MAGI2: variants seen among roughly 807,000 people sequenced by gnomAD.
MAGI2 encodes the protein membrane-associated guanylate kinase, WW and PDZ domain-containing protein 2.
In MAGI2, 35 loss-of-function variants were observed where a neutral mutation model predicts 133.3. That is an observed-to-expected ratio of 0.26 (90% confidence interval 0.20 to 0.35). The LOEUF (loss-of-function observed/expected upper bound fraction) is 0.35. MAGI2 is among the 10% of genes least tolerant of loss of function. The probability of loss-of-function intolerance (pLI) is 1.00; values close to 1 mark genes in which losing one functional copy is unlikely to be tolerated. For missense variants in MAGI2, 1,636 were observed against 1,863.4 expected (o/e 0.88, Z 2.25); for synonymous variants, 729 against 710.6 (o/e 1.03, Z -0.41).
intron 11 of MAGI2, among the ~76,000 whole-genome samples, chr7:78,196,637 C>T (rs1828765014): frequency 6.6e-6 from 1 of 152,132 alleles, no homozygotes; most frequent in African/African-American, 2.4e-5. Context: ...TTAAACTGTG[C>T]ACATGTGCTG....
At chr7:78,238,041 T>A (rs924010224) in intron 10 of MAGI2, among the ~76,000 whole-genome samples, 3 of 152,176 alleles carry the variant, frequency 2.0e-5, no homozygotes, top group African/African-American at 7.2e-5. Context: ...ACACCTTCCA[T>A]CTTGAAATGC....
chr7:78,089,842 G>A lies in MAGI2; in HGVS notation c.3568-10757C>T, dbSNP rs150927164. ...GGTTGCCATAATTATATTTCAAAGA[G>A]CATCTCTGATTTTGCCTCACTCCTC... On this transcript the variant is annotated intron_variant, in intron 20 of 21. Coordinates refer to ENST00000354212, the MANE Select transcript of MAGI2 (RefSeq NM_012301.4). Among the ~76,000 whole-genome samples the A allele has an allele frequency of 3.2e-3, 492 of 152,118 alleles. 2 individuals carry two copies. Among genetic ancestry groups the A allele is most frequent in the Non-Finnish European group, 5.4e-3 (365 of 67,996 alleles).
intron 1 of MAGI2, among the ~76,000 whole-genome samples, chr7:79,032,314 T>G (rs1011699602): frequency 6.6e-6 from 1 of 152,028 alleles, no homozygotes; most frequent in African/African-American, 2.4e-5. Flanking sequence ...GTCAGGAGTT[T>G]GAGACCAGCC....
Position 79,216,030 on chromosome 7 carries a change from T to C in MAGI2, c.302-208824A>G, listed in dbSNP as rs183601354. The stretch of plus-strand genomic sequence containing the variant: ...CGCAGCGCTAAATGGGAACAGACAT[T>C]CCTGTTTTCACGCCCAAATGTTCCC... On this transcript the variant is annotated intron_variant, in intron 1 of 21. Coordinates refer to ENST00000354212, the MANE Select transcript of MAGI2 (RefSeq NM_012301.4). Among the ~76,000 whole-genome samples the C allele has an allele frequency of 1.3e-3, 205 of 151,898 alleles. 1 individual carries two copies. Among genetic ancestry groups the C allele is most frequent in the African/African-American group, 4.7e-3 (195 of 41,304 alleles).
At chr7:78,171,376 G>A (rs909228446) in intron 14 of MAGI2, among the ~76,000 whole-genome samples, 1 of 152,150 alleles carries the variant, frequency 6.6e-6, no homozygotes, top group Non-Finnish European at 1.5e-5. Context: ...TGGATGCATA[G>A]GAATCACCGG....
At chr7:78,654,048 A>G (rs1439313997) in intron 2 of MAGI2, among the ~76,000 whole-genome samples, 8 of 152,344 alleles carry the variant, frequency 5.3e-5, no homozygotes. Flanking sequence ...TTTTAGCAAC[A>G]ATGGTTAAAA....
chr7:78,487,419 G>A (rs1308018077), intron 6 of MAGI2: 2 of 154,946 alleles, frequency 1.3e-5, no homozygotes, highest in African/African-American at 4.8e-5. Flanking sequence ...GAAAAAGAAA[G>A]TATACAACAC....
chr7:78,805,696 T>C lies in MAGI2; in HGVS notation c.419-178457A>G, dbSNP rs142423014. ...TCTGTAACTTTCACCTTGCTTTCTC[T>C]CAGATCATTCACTCTGGGAAAGCCA... On this transcript the variant is annotated intron_variant, in intron 2 of 21. Transcript: ENST00000354212. Among the ~76,000 whole-genome samples, 453 of 152,260 alleles carry C rather than the reference T, an allele frequency of 3.0e-3. 2 individuals carry two copies. Among genetic ancestry groups the C allele is most frequent in the African/African-American group, 0.01 (429 of 41,562 alleles).
intron 1 of MAGI2, among the ~76,000 whole-genome samples, chr7:79,386,416 T>C (rs1238685761): frequency 6.6e-6 from 1 of 152,024 alleles, no homozygotes; most frequent in Non-Finnish European, 1.5e-5. Context: ...TCAAATTGTG[T>C]ACATTGGGAT....
chr7:79,162,868 C>A (rs759754984), intron 1 of MAGI2, among the ~76,000 whole-genome samples: 1 of 152,024 alleles, frequency 6.6e-6, no homozygotes, highest in African/African-American at 2.4e-5. Context: ...AGTCTTATAA[C>A]TTTGACTTTT....
chr7:79,104,138 C>G (rs1415817267), intron 1 of MAGI2, among the ~76,000 whole-genome samples: 1 of 152,068 alleles, frequency 6.6e-6, no homozygotes, highest in Non-Finnish European at 1.5e-5. Flanking sequence ...TAAAGCAAAA[C>G]CATTCTAAAC....
At chr7:78,989,984 T>C (rs1313683658) in intron 2 of MAGI2, among the ~76,000 whole-genome samples, 2 of 152,118 alleles carry the variant, frequency 1.3e-5, no homozygotes, top group Non-Finnish European at 2.9e-5. Context: ...AGGTAGCTTC[T>C]AGCTTAGTTC....
chr7:79,430,183 T>A (rs2129186097), intron 1 of MAGI2, among the ~76,000 whole-genome samples: 1 of 152,206 alleles, frequency 6.6e-6, no homozygotes, highest in African/African-American at 2.4e-5. Context: ...CTATAAAATT[T>A]TAAAAATCTA....
At position 78,784,097 on chromosome 7, in the gene MAGI2, A is replaced by G. The variant is rs116255594; in HGVS notation, c.419-156858T>C. On this transcript the variant is annotated intron_variant, in intron 2 of 21. Transcript: ENST00000354212. The stretch of plus-strand genomic sequence containing the variant: ...GATGTTATCTCATCTGATCATTATA[A>G]CCATCCAATTAGGTAGATCAAGCAA... Among the ~76,000 whole-genome samples, 1,109 of 152,282 alleles carry G rather than the reference A, an allele frequency of 7.3e-3. 16 individuals are homozygous for G. Among genetic ancestry groups the G allele is most frequent in the African/African-American group, 0.026 (1,062 of 41,554 alleles).
chr7:78,707,198 G>A (rs192167342), intron 2 of MAGI2, among the ~76,000 whole-genome samples: 5 of 151,994 alleles, frequency 3.3e-5, no homozygotes, highest in Admixed American at 3.3e-4. Flanking sequence ...GAATAAATTA[G>A]CAAAGAATAA....
intron 3 of MAGI2, chr7:78,615,360 G>A (rs1584853183): frequency 6.6e-6 from 1 of 152,120 alleles, no homozygotes; most frequent in East Asian, 1.9e-4. Context: ...TTCATCCCAG[G>A]TATAATAAAA....
intron 6 of MAGI2, among the ~76,000 whole-genome samples, chr7:78,433,012 T>C (rs1016815848): frequency 2.6e-5 from 4 of 152,036 alleles, no homozygotes; most frequent in Non-Finnish European, 5.9e-5. Context: ...GGTGTTTTAT[T>C]TGCTTGCAAT....
intron 2 of MAGI2, among the ~76,000 whole-genome samples, chr7:78,941,296 A>G (rs118063977): frequency 2.0e-5 from 3 of 152,202 alleles, no homozygotes; most frequent in East Asian, 1.9e-4. Context: ...ACCTAACAAG[A>G]TCTTTTGCAA....
At chr7:79,297,599 A>G (rs1268147981) in intron 1 of MAGI2, among the ~76,000 whole-genome samples, 4 of 152,210 alleles carry the variant, frequency 2.6e-5, no homozygotes, top group African/African-American at 9.7e-5. Context: ...ATCACGAATC[A>G]AAAGGTCTAT....
Sources: gnomAD v4.1 joint callset for allele counts (sites outside exome capture counted in the v4.1 genomes callset) on GRCh38, gnomAD v4.1.1 for gene constraint, MANE v1.5 for transcripts, NCBI Gene and HGNC (gene_info 2026-07-23, HGNC 2026-07-21) for gene names.